GABRA3: variants seen among roughly 807,000 people sequenced by gnomAD.
GABRA3 encodes gamma-aminobutyric acid receptor subunit alpha-3.
In GABRA3, 10 loss-of-function variants were observed where a neutral mutation model predicts 30.1. That is an observed-to-expected ratio of 0.33 (90% CI 0.20 to 0.56). The LOEUF (loss-of-function observed/expected upper bound fraction) is 0.56, where lower values mean the gene tolerates loss of function less well. Ranked by LOEUF, GABRA3 falls within the 20% of genes least tolerant of loss-of-function variation. GABRA3 has a pLI of 0.89. For synonymous variants in GABRA3, 151 were observed against 146.8 expected (o/e 1.03, Z -0.21); for missense variants, 233 against 392.0 (o/e 0.59, Z 3.42).
chrX:152,275,212 TATTA>T lies in GABRA3; in HGVS notation c.330+9452_330+9455del, dbSNP rs1939033695. ...TTATATATATAATTTATATATATAA[TATTA>T]TATATATATAATTTATATATATTTT... On this transcript the variant is annotated intron_variant, in intron 4 of 9. Coordinates refer to ENST00000370314, the MANE Select transcript of GABRA3 (RefSeq NM_000808.4). 6.7e-5 allele frequency among the ~76,000 whole-genome samples: 4 copies of T among 59,746 alleles called. 1 individual carries two copies. The South Asian group carries it at 2.0e-3, about 31-fold the overall frequency. The allele number at this position is 59,746 out of a possible 115,157, so 51.9% of individuals were successfully genotyped here. A position where few individuals can be genotyped will look rare whatever the true frequency, so the allele number is the denominator to read the frequency against.
chrX:152,363,371 G>A (rs1352646385), intron 2 of GABRA3, among the ~76,000 whole-genome samples: 1 of 111,769 alleles, frequency 8.9e-6, no homozygotes, highest in Non-Finnish European at 1.9e-5. Context: ...AAATCATCCT[G>A]CAGCTACTTT....
chrX:152,419,323 CA>C (rs1346934528), intron 1 of GABRA3, among the ~76,000 whole-genome samples: 1 of 108,905 alleles, frequency 9.2e-6, no homozygotes, highest in Admixed American at 9.8e-5. Context: ...ATGTAACACA[CA>C]AAAAAAGAAG....
chrX:152,404,736 TTATTATTATTATTA>T (rs1569418553), intron 1 of GABRA3, among the ~76,000 whole-genome samples: 88 of 59,963 alleles, frequency 1.5e-3, no homozygotes, highest in South Asian at 1.7e-3. Flanking sequence ...AAGTCATTTA[TTATTATTATTATTA>T]TTATTATTAT....
intron 9 of GABRA3, among the ~76,000 whole-genome samples, chrX:152,188,145 T>C (rs1033770897): frequency 2.7e-5 from 3 of 111,084 alleles, no homozygotes; most frequent in Non-Finnish European, 5.7e-5. Flanking sequence ...CTAGGTTTAA[T>C]ATCTGGGTGA....
intron 1 of GABRA3, among the ~76,000 whole-genome samples, chrX:152,429,596 C>A (rs901870870): frequency 1.8e-5 from 2 of 111,743 alleles, no homozygotes; most frequent in Admixed American, 9.5e-5. Flanking sequence ...TCCATTCACC[C>A]CTCCTGAAAC....
intron 5 of GABRA3, among the ~76,000 whole-genome samples, chrX:152,235,743 T>A (rs1938189358): frequency 9.0e-6 from 1 of 111,455 alleles, no homozygotes; most frequent in South Asian, 3.7e-4. Context: ...CTTGTGTTCA[T>A]GGATTGAAAG....
chrX:152,305,421 A>T (rs1939706004), intron 3 of GABRA3, among the ~76,000 whole-genome samples: 2 of 101,566 alleles, frequency 2.0e-5, no homozygotes, highest in African/African-American at 7.2e-5. Context: ...TCTAAAATGT[A>T]AAAAAAAAAA....
At chrX:152,366,639 T>C in intron 1 of GABRA3, among the ~76,000 whole-genome samples, 1 of 112,171 alleles carries the variant, frequency 8.9e-6, no homozygotes, top group Middle Eastern at 4.6e-3. Context: ...CATAACTAAA[T>C]AAAATGTCTG....
At chrX:152,374,995 G>A (rs746108145) in intron 1 of GABRA3, among the ~76,000 whole-genome samples, 14 of 111,154 alleles carry the variant, frequency 1.3e-4, no homozygotes, top group African/African-American at 4.6e-4. Context: ...TCCATTGGTC[G>A]ATGTGTCTGT....
chrX:152,286,157 A>G (rs1306757588), intron 3 of GABRA3, among the ~76,000 whole-genome samples: 1 of 89,430 alleles, frequency 1.1e-5, no homozygotes, highest in African/African-American at 4.3e-5. Context: ...CTTATATACT[A>G]TAAGTATAGT....
chrX:152,268,660 T>C (rs1205313828), intron 4 of GABRA3, among the ~76,000 whole-genome samples: 1 of 112,011 alleles, frequency 8.9e-6, no homozygotes, highest in African/African-American at 3.2e-5. Context: ...CTCAATCTTC[T>C]GGGCTCAAGT....
chrX:152,267,819 T>C (rs1459829520), intron 4 of GABRA3, among the ~76,000 whole-genome samples: 2 of 111,211 alleles, frequency 1.8e-5, no homozygotes, highest in Admixed American at 1.9e-4. Context: ...AGTTTGGAAT[T>C]ATTCTTTTTA....
chrX:152,334,586 T>C (rs1475688329), intron 3 of GABRA3, among the ~76,000 whole-genome samples: 2 of 111,154 alleles, frequency 1.8e-5, no homozygotes, highest in African/African-American at 6.6e-5. Flanking sequence ...AAGAATGGGG[T>C]CTGGCTACGT....
chrX:152,441,175 C>T (rs1930921636), intron 1 of GABRA3, among the ~76,000 whole-genome samples: 1 of 111,083 alleles, frequency 9.0e-6, no homozygotes, highest in African/African-American at 3.3e-5. Flanking sequence ...GTTACACAAT[C>T]ATATACATGT....
intron 5 of GABRA3, among the ~76,000 whole-genome samples, chrX:152,246,608 G>A (rs1938464239): frequency 9.0e-6 from 1 of 111,443 alleles, no homozygotes; most frequent in Admixed American, 9.6e-5. Flanking sequence ...ATGAGCTCTT[G>A]GAGGGCAGGA....
intron 5 of GABRA3, among the ~76,000 whole-genome samples, chrX:152,238,633 T>C (rs1603221894): frequency 1.8e-5 from 2 of 109,132 alleles, no homozygotes; most frequent in Non-Finnish European, 3.8e-5. Context: ...TGGACTCTTT[T>C]TGGTTGGTAA....
At chrX:152,173,242 G>T (rs1285422300) in intron 9 of GABRA3, among the ~76,000 whole-genome samples, 1 of 109,026 alleles carries the variant, frequency 9.2e-6, no homozygotes, top group Non-Finnish European at 1.9e-5. Flanking sequence ...AAAGGCGGTG[G>T]GGGGGTGGGG....
rs766351789 is a variant in GABRA3, at chrX:152,321,107, T to C, written c.262+24474A>G. On this transcript the variant is annotated intron_variant, in intron 3 of 9. Transcript: ENST00000370314. Reference sequence around the variant, plus strand: ...CTATAGACATTAAGACATGGTTGAATAAAATTGGATGATTCAAGGTGGAGA... The same window carrying C: ...CTATAGACATTAAGACATGGTTGAACAAAATTGGATGATTCAAGGTGGAGA... 1.2e-4 allele frequency among the ~76,000 whole-genome samples: 13 copies of C among 111,844 alleles called. No homozygotes were observed. In the South Asian group the frequency reaches 3.4e-3, roughly 29 times the overall value.
intron 3 of GABRA3, among the ~76,000 whole-genome samples, chrX:152,342,919 A>T (rs190935030): frequency 9.0e-6 from 1 of 111,470 alleles, no homozygotes; most frequent in East Asian, 2.8e-4. Context: ...TGAAAACACA[A>T]GTTATTCCAA....
Sources: allele counts gnomAD v4.1 joint callset (sites outside exome capture counted in the v4.1 genomes callset), GRCh38; gene constraint gnomAD v4.1.1; transcripts MANE v1.5; gene names NCBI Gene and HGNC (gene_info 2026-07-23, HGNC 2026-07-21).